The following VAMP4 variants were observed in gnomAD, a reference collection of about 807,000 sequenced individuals.
VAMP4 encodes the protein vesicle associated membrane protein 4, also known as vesicle-associated membrane protein 4.
VAMP4 carries 19 observed loss-of-function variants against 23.5 expected under a neutral mutation model. The observed-to-expected ratio is 0.81, with a 90% confidence interval of 0.56 to 1.19. The LOEUF is 1.19. Ranked by LOEUF, VAMP4 falls within the 50% of genes most tolerant of loss-of-function variation. VAMP4 has a pLI of 0.00. For missense variants in VAMP4, 145 were observed against 168.6 expected (o/e 0.86, Z 0.78); for synonymous variants, 31 against 51.0 (o/e 0.61, Z 1.67).
intron 2 of VAMP4, among the ~76,000 whole-genome samples, chr1:171,729,110 A>C (rs1426470049): frequency 6.6e-6 from 1 of 152,214 alleles, no homozygotes; most frequent in East Asian, 1.9e-4. Context: ...TTTATAACAT[A>C]CAACAATTTT....
intron 2 of VAMP4, among the ~76,000 whole-genome samples, chr1:171,731,411 TATAATA>T (rs1303101763): frequency 6.8e-6 from 1 of 147,056 alleles, no homozygotes; most frequent in African/African-American, 2.6e-5. Context: ...AAACTTAAAG[TATAATA>T]ATAATAATAA....
chr1:171,738,242 G>T (rs1030921462), intron 2 of VAMP4, 107 bp downstream of exon 2: 1 of 1,230,732 alleles, frequency 8.1e-7, no homozygotes, highest in Non-Finnish European at 1.1e-6. Flanking sequence ...TGCGGCGATT[G>T]CAGGCATGAG....
intron 3 of VAMP4, among the ~76,000 whole-genome samples, chr1:171,721,069 A>T (rs1267769161): frequency 6.6e-6 from 1 of 152,154 alleles, no homozygotes; most frequent in Non-Finnish European, 1.5e-5. Flanking sequence ...ATCTCAATAG[A>T]TACAAAATAA....
chr1:171,736,317 C>T (rs540677081), intron 2 of VAMP4, among the ~76,000 whole-genome samples: 2 of 152,210 alleles, frequency 1.3e-5, no homozygotes, highest in Non-Finnish European at 2.9e-5. Context: ...CCTGGATTAT[C>T]CCTGAGTGAT....
At chr1:171,711,940 A>G (rs77640583) in intron 4 of VAMP4, among the ~76,000 whole-genome samples, 1 of 152,098 alleles carries the variant, frequency 6.6e-6, no homozygotes, top group Admixed American at 6.6e-5. Flanking sequence ...GATATTTACC[A>G]TTGTGTTATA....
chr1:171,736,234 A>G (rs183220006), intron 2 of VAMP4, among the ~76,000 whole-genome samples: 1 of 152,326 alleles, frequency 6.6e-6, no homozygotes, highest in African/African-American at 2.4e-5. Context: ...ATTCCAGCAC[A>G]GGTATATCAA....
rs118020079 is a variant in VAMP4 at position 171,716,172 on chromosome 1, G to A, written c.164+2999C>T. Among the ~76,000 whole-genome samples, 443 of 152,174 alleles carry A rather than the reference G, an allele frequency of 2.9e-3. 7 individuals are homozygous for A. The East Asian group carries it at 0.048, about 16-fold the overall frequency. On this transcript the variant is annotated intron_variant, in intron 4 of 7. Coordinates refer to ENST00000236192, the MANE Select transcript of VAMP4 (RefSeq NM_003762.5). Reference sequence around the variant, plus strand: ...ACCATGGAACATTCCCTGGGGTGTCGGGGAGGGAATCTCATAAAAGTTAAG... The same window carrying A: ...ACCATGGAACATTCCCTGGGGTGTCAGGGAGGGAATCTCATAAAAGTTAAG...
At chr1:171,730,976 G>A (rs191615014) in intron 2 of VAMP4, among the ~76,000 whole-genome samples, 42 of 152,158 alleles carry the variant, frequency 2.8e-4, no homozygotes, top group African/African-American at 6.7e-4. Context: ...AGGCCCAGGC[G>A]GGTGGATCAC....
At chr1:171,740,132 G>T (rs567509362) in intron 1 of VAMP4, among the ~76,000 whole-genome samples, 1 of 152,250 alleles carries the variant, frequency 6.6e-6, no homozygotes, top group African/African-American at 2.4e-5. Context: ...GTTTAGTAAC[G>T]ATAACGTTAG....
At chr1:171,706,525 A>G (rs140948216) in intron 6 of VAMP4, 107 bp from the exon 7 acceptor site, 292 of 1,060,966 alleles carry the variant, frequency 2.8e-4, no homozygotes, top group Admixed American at 5.6e-4. Context: ...CATCACCTTA[A>G]GGTTTCTTAA....
intron 4 of VAMP4, among the ~76,000 whole-genome samples, chr1:171,714,288 T>C (rs752966717): frequency 2.6e-5 from 4 of 152,232 alleles, no homozygotes; most frequent in Non-Finnish European, 5.9e-5. Flanking sequence ...ACAATAGTTA[T>C]AGTCCTTTGA....
chr1:171,704,460 T>C lies in VAMP4; in HGVS notation c.*46A>G, dbSNP rs1032100531. ...TTCATTTAAATTATGCAGCAATCTT[T>C]TATTACTGTCCCAGATCTTGTTTAA... On this transcript the variant is annotated 3_prime_UTR_variant, in exon 8 of 8. Coordinates refer to ENST00000236192, the MANE Select transcript of VAMP4 (RefSeq NM_003762.5). 6 of 1,508,056 alleles carry C rather than the reference T, an allele frequency of 4.0e-6. No homozygotes were observed. The highest frequency in any genetic ancestry group is 1.4e-5 in the African/African-American group (1 of 70,500). 93.4% of individuals were successfully genotyped at this position (1,508,056 alleles called of 1,614,324 possible).
intron 5 of VAMP4, 138 bp from the exon 6 acceptor site, chr1:171,709,882 T>C: frequency 1.1e-5 from 7 of 619,396 alleles, no homozygotes; most frequent in Middle Eastern, 4.0e-4. Context: ...GCATTCTCCC[T>C]TTTTTCCACC....
At chr1:171,722,343 G>A (rs1655223084) in intron 3 of VAMP4, among the ~76,000 whole-genome samples, 1 of 152,158 alleles carries the variant, frequency 6.6e-6, no homozygotes, top group Admixed American at 6.5e-5. Flanking sequence ...ACATAGGCAT[G>A]GGCAAGGATT....
intron 4 of VAMP4, among the ~76,000 whole-genome samples, chr1:171,712,657 A>G (rs1654886172): frequency 6.6e-6 from 1 of 152,222 alleles, no homozygotes. Context: ...CTGCCCAAAC[A>G]AATCTGAAAG....
chr1:171,740,826 G>A (rs1655900103), intron 1 of VAMP4, among the ~76,000 whole-genome samples: 1 of 152,174 alleles, frequency 6.6e-6, no homozygotes, highest in South Asian at 2.1e-4. Context: ...TCTTAAGGAT[G>A]AGCAAACACC....
At chr1:171,720,838 A>T (rs1413769884) in intron 3 of VAMP4, among the ~76,000 whole-genome samples, 1 of 152,102 alleles carries the variant, frequency 6.6e-6, no homozygotes, top group Non-Finnish European at 1.5e-5. Flanking sequence ...CGAAAACCAG[A>T]TAAAGACACA....
At chr1:171,736,167 G>A (rs979651831) in intron 2 of VAMP4, among the ~76,000 whole-genome samples, 16 of 152,220 alleles carry the variant, frequency 1.1e-4, no homozygotes, top group Non-Finnish European at 1.6e-4. Flanking sequence ...GATTACAGGC[G>A]CGAGCCACCA....
intron 4 of VAMP4, among the ~76,000 whole-genome samples, chr1:171,718,287 C>T (rs1655081761): frequency 6.6e-6 from 1 of 152,174 alleles, no homozygotes; most frequent in Admixed American, 6.6e-5. Flanking sequence ...TAACTAGATA[C>T]TTCATTATAG....
Sources: gnomAD v4.1 joint callset for allele counts (sites outside exome capture counted in the v4.1 genomes callset) on GRCh38, gnomAD v4.1.1 for gene constraint, MANE v1.5 for transcripts, NCBI Gene and HGNC (gene_info 2026-07-23, HGNC 2026-07-21) for gene names.